CAPN5: variants seen among roughly 807,000 people sequenced by gnomAD.
The protein encoded by CAPN5 is calpain 5.
A neutral mutation model predicts 73.0 loss-of-function variants in CAPN5; 54 were observed. That is an observed-to-expected ratio of 0.74 (90% CI 0.59 to 0.93). The LOEUF (loss-of-function observed/expected upper bound fraction) is 0.93, where lower values mean the gene tolerates loss of function less well. Ranked by LOEUF, CAPN5 falls within the 40% of genes least tolerant of loss-of-function variation. The probability of loss-of-function intolerance (pLI) is 0.00; values close to 1 mark genes in which losing one functional copy is unlikely to be tolerated. For missense variants in CAPN5, 785 were observed against 882.9 expected (o/e 0.89, Z 1.41); for synonymous variants, 335 against 356.9 (o/e 0.94, Z 0.69).
In CAPN5 at chr11:77,116,220, C is replaced by T. The variant is rs782018269; in HGVS notation, c.894-6C>T. ...CCCTTTCTCCTCCCCGGCCCTGACA[C>T]CCCAGCTCGGAGGAGTGGCAGAAAG... is the stretch of plus-strand genomic sequence containing the variant. On this transcript the variant is annotated splice_region_variant and splice_polypyrimidine_tract_variant and intron_variant, in intron 6 of 12. Coordinates refer to ENST00000648180, the MANE Select transcript of CAPN5 (RefSeq NM_004055.5). 2 of 1,610,084 alleles carry T rather than the reference C, an allele frequency of 1.2e-6. No homozygotes were observed. Among genetic ancestry groups the T allele is most frequent in the Non-Finnish European group, 1.7e-6 (2 of 1,178,304 alleles).
At chr11:77,069,514 C>A (rs1949880112) in intron 1 of CAPN5, among the ~76,000 whole-genome samples, 1 of 152,144 alleles carries the variant, frequency 6.6e-6, no homozygotes, top group Admixed American at 6.5e-5. Context: ...CCAAAAGCTT[C>A]TAGCCCTTGA....
intron 2 of CAPN5, among the ~76,000 whole-genome samples, chr11:77,089,718 G>C (rs1459564081): frequency 1.3e-5 from 2 of 152,068 alleles, no homozygotes; most frequent in Non-Finnish European, 2.9e-5. Context: ...ACTAAAAATA[G>C]AAAAATTAGC....
chr11:77,093,650 C>A, intron 2 of CAPN5, 32 bp from the exon 3 acceptor site: 1 of 1,542,202 alleles, frequency 6.5e-7, no homozygotes, highest in East Asian at 2.4e-5. Context: ...TGCTCCTCCG[C>A]CCCTCACGCT....
At chr11:77,121,886 TC>T in intron 10 of CAPN5, 47 bp from the exon 11 acceptor site, 1 of 1,056,294 alleles carries the variant, frequency 9.5e-7, no homozygotes, top group Non-Finnish European at 1.4e-6. Context: ...ACCCCTGTCT[TC>T]CTGGCCCTTC....
intron 1 of CAPN5, among the ~76,000 whole-genome samples, chr11:77,069,100 A>G (rs1312239531): frequency 6.6e-6 from 1 of 152,078 alleles, no homozygotes; most frequent in Non-Finnish European, 1.5e-5. Flanking sequence ...GGCCTAAATC[A>G]TGTGTCTGTT....
At chr11:77,092,710 C>T (rs1950160955) in intron 2 of CAPN5, among the ~76,000 whole-genome samples, 1 of 152,230 alleles carries the variant, frequency 6.6e-6, no homozygotes. Flanking sequence ...GGCGCAGTGG[C>T]TTATGCCTGT....
intron 2 of CAPN5, among the ~76,000 whole-genome samples, chr11:77,088,941 T>C (rs1950120903): frequency 6.6e-6 from 1 of 152,136 alleles, no homozygotes; most frequent in Non-Finnish European, 1.5e-5. Context: ...TAGAGCTGTG[T>C]TGCCTGGAGA....
intron 3 of CAPN5, among the ~76,000 whole-genome samples, chr11:77,097,266 G>T (rs1055761543): frequency 2.0e-5 from 3 of 152,056 alleles, no homozygotes; most frequent in Admixed American, 1.3e-4. Context: ...CCCTGACCGG[G>T]TTATATTAGC....
chr11:77,116,405 G>A, intron 7 of CAPN5, 102 bp downstream of exon 7: 1 of 823,014 alleles, frequency 1.2e-6, no homozygotes, highest in Middle Eastern at 2.8e-4. Flanking sequence ...TCTCCTGCAT[G>A]CCCCATCATC....
Position 77,124,021 on chromosome 11 carries a change from C to G in CAPN5, c.*151C>G, listed in dbSNP as rs572512118. 8.5e-6 allele frequency: 6 copies of G among 708,230 alleles called. No individual in the cohort carries two copies. In the Admixed American group the frequency reaches 1.2e-4, roughly 14 times the overall value. 43.9% of individuals were successfully genotyped at this position (708,230 alleles called of 1,614,324 possible). A position where few individuals can be genotyped will look rare whatever the true frequency, so the allele number is the denominator to read the frequency against. On this transcript the variant is annotated 3_prime_UTR_variant, in exon 13 of 13. Coordinates refer to ENST00000648180, the MANE Select transcript of CAPN5 (RefSeq NM_004055.5). The stretch of plus-strand genomic sequence containing the variant: ...GACCTTAGGAAGTCTCTGCCCCTCT[C>G]TCAGCCTCAGTGTCCCGAGGGCCCC...
At chr11:77,077,527 ATTT>A (rs532375338) in intron 1 of CAPN5, among the ~76,000 whole-genome samples, 2 of 145,066 alleles carry the variant, frequency 1.4e-5, no homozygotes, top group African/African-American at 5.0e-5. Context: ...GAGCTTTTTA[ATTT>A]TTTTTTTTTG....
In CAPN5 at chr11:77,123,991, T is replaced by C. The variant is rs555468060; in HGVS notation, c.*121T>C. The C allele has an allele frequency of 3.8e-5, 35 of 922,964 alleles. No homozygotes were observed. In the African/African-American group the frequency reaches 4.3e-4, roughly 11 times the overall value. The allele number at this position is 922,964 out of a possible 1,614,324, so 57.2% of individuals were successfully genotyped here. On this transcript the variant is annotated 3_prime_UTR_variant, in exon 13 of 13. Transcript: ENST00000648180. ...TTTTCCCACTCTTCCACTGACTTGCTGTGTGACCTTAGGAAGTCTCTGCCC... is the reference window on the plus strand; with the variant it reads ...TTTTCCCACTCTTCCACTGACTTGCCGTGTGACCTTAGGAAGTCTCTGCCC...
intron 3 of CAPN5, among the ~76,000 whole-genome samples, chr11:77,110,634 G>A (rs1591140658): frequency 1.3e-5 from 2 of 152,336 alleles, no homozygotes; most frequent in Middle Eastern, 3.4e-3. Context: ...GCTCAGGGGT[G>A]CTAGTGTGAG....
intron 3 of CAPN5, among the ~76,000 whole-genome samples, chr11:77,112,259 G>A (rs797027121): frequency 1.2e-4 from 19 of 152,180 alleles, no homozygotes; most frequent in African/African-American, 2.4e-4. Context: ...GGATGGTGGC[G>A]CTGGTCACTA....
At chr11:77,099,757 G>C (rs142731498) in intron 3 of CAPN5, among the ~76,000 whole-genome samples, 1 of 150,216 alleles carries the variant, frequency 6.7e-6, no homozygotes, top group African/African-American at 2.5e-5. Flanking sequence ...GAGACGGAGA[G>C]GGAGACGGAG....
chr11:77,115,543 G>A lies in CAPN5; in HGVS notation c.848G>A (p.Arg283His), dbSNP rs199972838. The part of the protein sequence containing the change: ...KSEKLDMIRL[R>H]NPWGEREWNG... ...GAGAAGTTGGACATGATCCGCCTGC[G>A]CAACCCCTGGGGCGAGCGGGAGTGG... Residue 283 changes from arginine to histidine, a missense_variant, in exon 6 of 13, where the codon CGC (arginine) becomes CAC (histidine). Physicochemically the swap from Arg to His is conservative, Grantham distance 29 (BLOSUM62 0). Coordinates refer to ENST00000648180, the MANE Select transcript of CAPN5 (RefSeq NM_004055.5). 12 of 1,612,850 alleles carry A rather than the reference G, an allele frequency of 7.4e-6. No individual in the cohort carries two copies. Among genetic ancestry groups the A allele is most frequent in the Admixed American group, 1.7e-5 (1 of 60,012 alleles).
chr11:77,107,738 G>C (rs782189320), intron 3 of CAPN5, among the ~76,000 whole-genome samples: 1 of 152,198 alleles, frequency 6.6e-6, no homozygotes, highest in African/African-American at 2.4e-5. Flanking sequence ...GGCAGATCCT[G>C]CCAGTCCTTG....
intron 1 of CAPN5, among the ~76,000 whole-genome samples, chr11:77,082,428 G>T (rs1950036948): frequency 6.6e-6 from 1 of 152,216 alleles, no homozygotes; most frequent in African/African-American, 2.4e-5. Context: ...CTGCCTCCTG[G>T]TCTATCCGTG....
chr11:77,121,552 C>T (rs1555042794), intron 10 of CAPN5, among the ~76,000 whole-genome samples: 1 of 152,254 alleles, frequency 6.6e-6, no homozygotes, highest in African/African-American at 2.4e-5. Context: ...CCCCAGCTTT[C>T]CAGCTGTTTG....
Sources: allele counts gnomAD v4.1 joint callset (sites outside exome capture counted in the v4.1 genomes callset), GRCh38; gene constraint gnomAD v4.1.1; transcripts MANE v1.5; gene names NCBI Gene and HGNC (gene_info 2026-07-23, HGNC 2026-07-21).